The following SASH1 variants were observed in gnomAD, a reference collection of about 807,000 sequenced individuals.
SASH1 encodes the protein SAM and SH3 domain containing 1.
Under a neutral mutation model 125.2 loss-of-function variants are expected in SASH1, and 44 were observed. The ratio of observed to expected loss-of-function variants is 0.35; its 90% CI spans 0.28 to 0.45. The LOEUF (loss-of-function observed/expected upper bound fraction) is 0.45, where lower values mean the gene tolerates loss of function less well. SASH1 is among the 20% of genes least tolerant of loss of function. SASH1 has a pLI of 1.00. For synonymous variants in SASH1, 639 were observed against 649.1 expected, an observed-to-expected ratio of 0.98 and a Z score of 0.24; for missense variants, 1,426 against 1,614.5, an observed-to-expected ratio of 0.88 and a Z score of 2.00.
At chr6:148,326,018 C>T (rs918602404) in intron 1 of SASH1, among the ~76,000 whole-genome samples, 1 of 140,970 alleles carries the variant, frequency 7.1e-6, no homozygotes, top group Non-Finnish European at 1.5e-5. Flanking sequence ...CTCAGTGATT[C>T]CACATTGCTC....
intron 1 of SASH1, among the ~76,000 whole-genome samples, chr6:148,294,472 G>C (rs1349674314): frequency 2.0e-5 from 3 of 152,224 alleles, no homozygotes; most frequent in African/African-American, 7.2e-5. Context: ...AAATAGGAAT[G>C]ATAGTAATAG....
the SASH1 span, among the ~76,000 whole-genome samples, chr6:148,200,425 CG>C: frequency 6.6e-6 from 1 of 152,140 alleles, no homozygotes; most frequent in Non-Finnish European, 1.5e-5. Context: ...ACAGAGCGAG[CG>C]GGAGGGGGCC....
At chr6:148,459,030 G>T (rs986632506) in intron 4 of SASH1, among the ~76,000 whole-genome samples, 13 of 146,650 alleles carry the variant, frequency 8.9e-5, no homozygotes, top group Admixed American at 2.7e-4. Context: ...ACACCCTCTA[G>T]CATATGTCAC....
intron 6 of SASH1, 94 bp downstream of exon 6, chr6:148,471,597 G>A (rs745505625): frequency 2.1e-5 from 16 of 757,106 alleles, no homozygotes; most frequent in Non-Finnish European, 3.2e-5. Flanking sequence ...ATAAGTTAGC[G>A]TAACTCACCG....
intron 8 of SASH1, among the ~76,000 whole-genome samples, chr6:148,489,886 G>GTA (rs59620084): frequency 1.4e-5 from 2 of 140,166 alleles, no homozygotes; most frequent in South Asian, 4.5e-4. Context: ...GTGTGTGTGT[G>GTA]TATAGTGTTA....
chr6:148,295,375 A>C (rs1310697882), intron 1 of SASH1, among the ~76,000 whole-genome samples: 1 of 152,164 alleles, frequency 6.6e-6, no homozygotes, highest in Non-Finnish European at 1.5e-5. Context: ...TGTCCCCAAA[A>C]TTCTGATACT....
At chr6:148,258,176 C>A in the SASH1 span, among the ~76,000 whole-genome samples, 1 of 152,018 alleles carries the variant, frequency 6.6e-6, no homozygotes. Context: ...ACCTTAGGCT[C>A]CCGAGGAATT....
intron 4 of SASH1, among the ~76,000 whole-genome samples, chr6:148,441,003 T>C (rs1029967128): frequency 4.6e-5 from 7 of 152,272 alleles, no homozygotes; most frequent in African/African-American, 1.7e-4. Context: ...AGTATTTCTT[T>C]TAGGCAACAT....
In SASH1 at chr6:148,533,745, A is replaced by G. The variant is rs748239872; in HGVS notation, c.1735-26A>G. ...TACGTTCATGGAATGTACCTAATGG[A>G]AAGATCTTTGCTCCCTGGGCCACAG... On this transcript the variant is annotated intron_variant, in intron 14 of 19. Transcript: ENST00000367467. This position sits in a 1 kb window ranked among gnomAD's most constrained non-coding sequence, Gnocchi z 6.2. 2.5e-6 allele frequency: 4 copies of G among 1,595,188 alleles called. No homozygotes were observed. The African/African-American group carries it at 5.4e-5, about 21-fold the overall frequency.
intron 1 of SASH1, among the ~76,000 whole-genome samples, chr6:148,331,604 C>G (rs1780997182): frequency 6.6e-6 from 1 of 152,126 alleles, no homozygotes; most frequent in Admixed American, 6.6e-5. Flanking sequence ...GCTAGGATTA[C>G]AGGTGTCAGC....
At chr6:148,357,396 A>G (rs1281780635) in intron 1 of SASH1, among the ~76,000 whole-genome samples, 3 of 152,184 alleles carry the variant, frequency 2.0e-5, no homozygotes, top group African/African-American at 7.2e-5. Context: ...CTGAGCTTAT[A>G]TATCTTTGCA....
intron 1 of SASH1, among the ~76,000 whole-genome samples, chr6:148,295,783 C>T (rs1158358581): frequency 6.6e-6 from 1 of 152,170 alleles, no homozygotes; most frequent in Non-Finnish European, 1.5e-5. Flanking sequence ...TCCTTCACAC[C>T]CCAGCACAAA....
rs971063619 is a variant in SASH1, at chr6:148,495,284, A to G, written c.729+7569A>G. ...AATATGGCGGAAGAACAGTGCACAC[A>G]CTCATAAGGTGGCCTGAGCAGTTGT... On this transcript the variant is annotated intron_variant, in intron 8 of 19. Coordinates refer to ENST00000367467, the MANE Select transcript of SASH1 (RefSeq NM_015278.5). This position sits in a 1 kb window ranked among gnomAD's most constrained non-coding sequence, Gnocchi z 4.0. Among the ~76,000 whole-genome samples the G allele has an allele frequency of 3.3e-5, 5 of 152,110 alleles. No homozygotes were observed. Among genetic ancestry groups the G allele is most frequent in the South Asian group, 2.1e-4 (1 of 4,824 alleles).
intron 1 of SASH1, among the ~76,000 whole-genome samples, chr6:148,279,150 C>A (rs866461785): frequency 6.6e-6 from 1 of 152,064 alleles, no homozygotes. Context: ...TGCTGCTATG[C>A]CCGGCTAATT....
intron 8 of SASH1, chr6:148,508,835 C>A (rs961104710): frequency 3.9e-6 from 5 of 1,278,120 alleles, no homozygotes; most frequent in Non-Finnish European, 4.1e-6. Flanking sequence ...AGGTACAGGA[C>A]GTCTTCAGAA....
At chr6:148,356,581 T>C (rs1454781451) in intron 1 of SASH1, among the ~76,000 whole-genome samples, 1 of 147,452 alleles carries the variant, frequency 6.8e-6, no homozygotes, top group Non-Finnish European at 1.5e-5. Context: ...GCGATTCTCC[T>C]GCCTCAACCT....
intron 2 of SASH1, among the ~76,000 whole-genome samples, chr6:148,436,851 G>T (rs183283992): frequency 1.3e-5 from 2 of 152,330 alleles, no homozygotes; most frequent in Admixed American, 6.5e-5. Flanking sequence ...ACTACATTTG[G>T]GATGATTTGT....
the SASH1 span, among the ~76,000 whole-genome samples, chr6:148,257,628 C>CTTTTTTT: frequency 1.6e-5 from 2 of 127,132 alleles, no homozygotes; most frequent in Non-Finnish European, 1.6e-5. Flanking sequence ...TGTCAGTTTA[C>CTTTTTTT]TTTTTTTTTT....
At chr6:148,364,889 T>A (rs7738647) in intron 1 of SASH1, among the ~76,000 whole-genome samples, 1 of 151,986 alleles carries the variant, frequency 6.6e-6, no homozygotes, top group Non-Finnish European at 1.5e-5. Context: ...TTGGGAGGCT[T>A]AGGAAGACAG....
Sources: gnomAD v4.1 joint callset for allele counts (sites outside exome capture counted in the v4.1 genomes callset) on GRCh38, gnomAD v4.1.1 for gene constraint, Gnocchi (gnomAD v3.1) non-coding constraint, MANE v1.5 for transcripts, NCBI Gene and HGNC (gene_info 2026-07-23, HGNC 2026-07-21) for gene names.